RBFOX1: variants seen among roughly 807,000 people sequenced by gnomAD.
RBFOX1 encodes RNA binding fox-1 homolog 1, also known as RNA binding protein fox-1 homolog 1.
In RBFOX1, 8 loss-of-function variants were observed where a neutral mutation model predicts 57.7. That is an observed-to-expected ratio of 0.14 (90% CI 0.08 to 0.25). The LOEUF is 0.25. Among genes scored for constraint, RBFOX1 ranks in the 10% least tolerant of loss-of-function variants. RBFOX1 has a pLI of 1.00. For synonymous variants in RBFOX1, 326 were observed against 222.4 expected, an observed-to-expected ratio of 1.47 and a Z score of -4.15; for missense variants, 611 against 548.5, an observed-to-expected ratio of 1.11 and a Z score of -1.14.
intron 10 of RBFOX1, among the ~76,000 whole-genome samples, chr16:7,617,352 T>C (rs1170303431): frequency 6.6e-6 from 1 of 152,230 alleles, no homozygotes; most frequent in Non-Finnish European, 1.5e-5. Flanking sequence ...TTATACAATT[T>C]TCATGTGTCA....
chr16:6,309,407 C>A (rs933244054), intron 1 of RBFOX1, among the ~76,000 whole-genome samples: 4 of 152,114 alleles, frequency 2.6e-5, no homozygotes, highest in African/African-American at 9.7e-5. Context: ...ATTAAAAGAT[C>A]CGGCGCGGCC....
At chr16:6,351,667 C>T (rs2086429081) in intron 2 of RBFOX1, among the ~76,000 whole-genome samples, 1 of 151,882 alleles carries the variant, frequency 6.6e-6, no homozygotes, top group Non-Finnish European at 1.5e-5. Context: ...AGCCACCGCT[C>T]CCGGCCTAAG....
At chr16:6,907,855 T>A (rs1391002642) in intron 3 of RBFOX1, among the ~76,000 whole-genome samples, 1 of 151,754 alleles carries the variant, frequency 6.6e-6, no homozygotes, top group Non-Finnish European at 1.5e-5. Flanking sequence ...ATTACAGGCA[T>A]GAGCCCCCAT....
intron 3 of RBFOX1, among the ~76,000 whole-genome samples, chr16:5,803,880 A>G (rs941395120): frequency 6.6e-6 from 1 of 152,118 alleles, no homozygotes; most frequent in Admixed American, 6.5e-5. Flanking sequence ...GCGCACCAGT[A>G]ATCAGACTTC....
chr16:6,431,954 T>C (rs1165870543), intron 2 of RBFOX1, among the ~76,000 whole-genome samples: 1 of 148,520 alleles, frequency 6.7e-6, no homozygotes, highest in Non-Finnish European at 1.5e-5. Flanking sequence ...TCTTTCTTTC[T>C]TTCTTTCTTT....
intron 1 of RBFOX1, among the ~76,000 whole-genome samples, chr16:6,161,258 G>A (rs749689144): frequency 6.6e-6 from 1 of 152,018 alleles, no homozygotes; most frequent in Admixed American, 6.6e-5. Flanking sequence ...GCATGGTGGT[G>A]CACGCCTGTA....
At chr16:7,350,303 A>G (rs1013568369) in intron 4 of RBFOX1, among the ~76,000 whole-genome samples, 10 of 152,116 alleles carry the variant, frequency 6.6e-5, no homozygotes, top group Admixed American at 3.3e-4. Flanking sequence ...GAAAAAAGCA[A>G]AAGTCCTGAG....
At chr16:5,600,325 A>C (rs867303263), downstream of RBFOX1, among the ~76,000 whole-genome samples, 14 of 151,350 alleles carry the variant, frequency 9.3e-5, no homozygotes, top group Non-Finnish European at 1.0e-4. Flanking sequence ...ATAAAAAAAA[A>C]ACAAAACCAA....
intron 1 of RBFOX1, among the ~76,000 whole-genome samples, chr16:6,283,519 C>T (rs142856414): frequency 3.9e-5 from 6 of 152,192 alleles, no homozygotes; most frequent in Non-Finnish European, 8.8e-5. Flanking sequence ...GGTTGAACTT[C>T]ACGTAGTATA....
intron 3 of RBFOX1, among the ~76,000 whole-genome samples, chr16:5,734,817 G>A (rs2052514105): frequency 6.6e-6 from 1 of 152,188 alleles, no homozygotes; most frequent in Non-Finnish European, 1.5e-5. Context: ...ATCCAAGAAG[G>A]AAGGGAGATA....
chr16:5,596,520 G>C (rs563726237), intron 2 of RBFOX1, among the ~76,000 whole-genome samples: 85 of 152,270 alleles, frequency 5.6e-4, no homozygotes, highest in Non-Finnish European at 8.2e-4. Flanking sequence ...CCCTAGACTA[G>C]ATGGAATTGG....
intron 11 of RBFOX1, among the ~76,000 whole-genome samples, chr16:7,648,471 C>T (rs928188494): frequency 2.0e-5 from 3 of 152,138 alleles, no homozygotes; most frequent in African/African-American, 7.2e-5. Context: ...GATCTGCCCA[C>T]CTTGGCCTCC....
chr16:6,874,448 T>G (rs2061473999), intron 3 of RBFOX1, among the ~76,000 whole-genome samples: 1 of 140,100 alleles, frequency 7.1e-6, no homozygotes, highest in Admixed American at 7.9e-5. Context: ...AGATGGAGGT[T>G]GCAGTTAGTG....
intron 3 of RBFOX1, among the ~76,000 whole-genome samples, chr16:6,692,634 C>G (rs2060364922): frequency 2.4e-5 from 1 of 40,838 alleles, no homozygotes; most frequent in Non-Finnish European, 1.7e-4. Flanking sequence ...CATCCAAACA[C>G]ATTTTTTTTT....
chr16:6,050,220 A>G (rs924683866), intron 1 of RBFOX1, among the ~76,000 whole-genome samples: 2 of 152,166 alleles, frequency 1.3e-5, no homozygotes, highest in African/African-American at 2.4e-5. Flanking sequence ...TTGGCCTTCC[A>G]AAGTGCTGGG....
chr16:6,318,144 C>A (rs1264433403), intron 2 of RBFOX1, among the ~76,000 whole-genome samples: 1 of 148,776 alleles, frequency 6.7e-6, no homozygotes, highest in Non-Finnish European at 1.5e-5. Flanking sequence ...ATAGAAAGAA[C>A]TAAAAAGATG....
At chr16:6,488,703 G>C (rs2095559990) in intron 2 of RBFOX1, among the ~76,000 whole-genome samples, 1 of 152,078 alleles carries the variant, frequency 6.6e-6, no homozygotes, top group South Asian at 2.1e-4. Context: ...CACTACGTTA[G>C]GGTTTCTCAA....
chr16:5,509,662 G>T (rs891675302), intron 2 of RBFOX1, among the ~76,000 whole-genome samples: 1 of 152,206 alleles, frequency 6.6e-6, no homozygotes, highest in Non-Finnish European at 1.5e-5. Context: ...CACGCAGACA[G>T]TGGATTGGAG....
At chr16:5,720,500 C>G (rs1249772126) in intron 3 of RBFOX1, among the ~76,000 whole-genome samples, 3 of 152,156 alleles carry the variant, frequency 2.0e-5, no homozygotes, top group Admixed American at 6.5e-5. Context: ...GTCATATTAA[C>G]AAGGCTTTAC....
Sources: allele counts gnomAD v4.1 joint callset (sites outside exome capture counted in the v4.1 genomes callset), GRCh38; gene constraint gnomAD v4.1.1; transcripts MANE v1.5; gene names NCBI Gene and HGNC (gene_info 2026-07-23, HGNC 2026-07-21).